Variants in FMO2 observed in about 807,000 individuals in gnomAD.
FMO2 encodes the protein flavin containing dimethylaniline monoxygenase 2.
Under a neutral mutation model 41.6 loss-of-function variants are expected in FMO2, and 33 were observed. The observed-to-expected ratio is 0.79, with a 90% confidence interval of 0.60 to 1.06. The LOEUF is 1.06. Among genes scored for constraint, FMO2 ranks in the 50% least tolerant of loss-of-function variants. FMO2 has a pLI of 0.00. For missense variants in FMO2, 619 were observed against 632.9 expected (o/e 0.98, Z 0.23); for synonymous variants, 214 against 219.6 (o/e 0.97, Z 0.23).
At chr1:171,203,722 G>A (rs1463757265) in intron 5 of FMO2, 143 bp from the exon 6 acceptor site, 2 of 687,844 alleles carry the variant, frequency 2.9e-6, no homozygotes, top group Non-Finnish European at 4.9e-6. Flanking sequence ...TATTTAGGAG[G>A]TACTTTACAT....
At chr1:171,194,353 C>G (rs1168725691) in intron 3 of FMO2, among the ~76,000 whole-genome samples, 1 of 152,174 alleles carries the variant, frequency 6.6e-6, no homozygotes, top group East Asian at 1.9e-4. Context: ...TTACCTTTTC[C>G]TGTGCTTCCT....
At chr1:171,192,131 C>T (rs1278189836) in intron 2 of FMO2, among the ~76,000 whole-genome samples, 1 of 152,082 alleles carries the variant, frequency 6.6e-6, no homozygotes, top group African/African-American at 2.4e-5. Flanking sequence ...AACTCATTGT[C>T]TTGCCAATGA....
At chr1:171,197,517 G>A (rs773914153) in intron 4 of FMO2, among the ~76,000 whole-genome samples, 8 of 152,150 alleles carry the variant, frequency 5.3e-5, no homozygotes, top group African/African-American at 9.7e-5. Context: ...CTCAAATAGA[G>A]TCACCTGGAG....
chr1:171,209,400 T>A lies in FMO2; in HGVS notation c.*255T>A, dbSNP rs1658893380. The A allele has an allele frequency of 6.2e-6, 2 of 323,376 alleles. No homozygotes were observed. Among genetic ancestry groups the A allele is most frequent in the Non-Finnish European group, 1.1e-5 (2 of 180,512 alleles). 20.0% of individuals were successfully genotyped at this position (323,376 alleles called of 1,614,324 possible). On this transcript the variant is annotated 3_prime_UTR_variant, in exon 9 of 9. Transcript: ENST00000209929. ...ACCAAAATGTAAAATAAAATAAGAC[T>A]GGCTCAGGTAAGTAGTGCTGCCAAC...
Position 171,203,916 on chromosome 1 carries a change from G to A in FMO2, c.679G>A (p.Asp227Asn). 6.2e-7 allele frequency: 1 copy of A among 1,613,668 alleles called. No individual in the cohort carries two copies. Among genetic ancestry groups the A allele is most frequent in the Non-Finnish European group, 8.5e-7 (1 of 1,179,716 alleles). ...CTGGGTCATGAGCCGTATCTCTGAA[G>A]ATGGCTATCCTTGGGACTCAGTGTT... ...GTWVMSRISE[D>N]GYPWDSVFHT... The change falls in exon 6 of 9, where the codon GAT (aspartate) becomes AAT (asparagine). Residue 227 changes from aspartate (D) to asparagine (N), a missense_variant. Physicochemically the swap from Asp to Asn is conservative, Grantham distance 23. Coordinates refer to ENST00000209929, the MANE Select transcript of FMO2 (RefSeq NM_001460.5).
Position 171,204,009 on chromosome 1 carries a change from C to A in FMO2, c.772C>A (p.Gln258Lys). 6.2e-7 allele frequency: 1 copy of A among 1,613,710 alleles called. No homozygotes were observed. Among genetic ancestry groups the A allele is most frequent in the Non-Finnish European group, 8.5e-7 (1 of 1,179,724 alleles). Residue 258 changes from glutamine (Q) to lysine (K), a missense_variant, in exon 6 of 9, where the codon CAA becomes AAA. Coordinates refer to ENST00000209929, the MANE Select transcript of FMO2 (RefSeq NM_001460.5). ...PRTAVKWMIE[Q>K]QMNRWFNHEN... ...AACAGCTGTAAAATGGATGATAGAA[C>A]AACAGATGAATCGGTGGTTCAACCA...
At chr1:171,204,864 G>A (rs990541206) in intron 6 of FMO2, among the ~76,000 whole-genome samples, 5 of 152,052 alleles carry the variant, frequency 3.3e-5, no homozygotes, top group Non-Finnish European at 7.4e-5. Context: ...AAAACTAGTG[G>A]AAATTTAGCA....
In FMO2 at chr1:171,211,776, G is replaced by T. The variant is rs376648079; in HGVS notation, c.*2631G>T. ...AGTTTGTTTCAAAATATTAGCCACA[G>T]ACCACCTACATCACAATAACTCAGG... On this transcript the variant is annotated 3_prime_UTR_variant, in exon 9 of 9. Coordinates refer to ENST00000209929, the MANE Select transcript of FMO2 (RefSeq NM_001460.5). 2.0e-5 allele frequency among the ~76,000 whole-genome samples: 3 copies of T among 148,196 alleles called. No homozygotes were observed. The highest frequency in any genetic ancestry group is 3.9e-4 in the East Asian group (2 of 5,180).
At chr1:171,192,221 C>G (rs28369839) in intron 2 of FMO2, among the ~76,000 whole-genome samples, 59,175 of 151,898 alleles carry the variant, frequency 0.39, 12,182 homozygotes, top group East Asian at 0.55. Flanking sequence ...TTTGAAGCCA[C>G]TGTTTGAAAA....
chr1:171,207,323 C>A (rs1013629328), intron 7 of FMO2, among the ~76,000 whole-genome samples: 1 of 152,158 alleles, frequency 6.6e-6, no homozygotes, highest in Non-Finnish European at 1.5e-5. Context: ...GTCCATTTTC[C>A]TAAATTCAGC....
Position 171,211,295 on chromosome 1 carries a change from G to A in FMO2, c.*2150G>A, listed in dbSNP as rs1243928094. 3.3e-5 allele frequency: 5 copies of A among 152,138 alleles called. No homozygotes were observed. Among genetic ancestry groups the A allele is most frequent in the Admixed American group, 3.3e-4 (5 of 15,264 alleles). The allele number at this position is 152,138 out of a possible 1,614,324, so 9.4% of individuals were successfully genotyped here. ...CAAGCTACAATTGTAGAGTTGGGTA[G>A]TCGCAACAGAATCTCTGTGGCCCAC... On this transcript the variant is annotated 3_prime_UTR_variant, in exon 9 of 9. Coordinates refer to ENST00000209929, the MANE Select transcript of FMO2 (RefSeq NM_001460.5).
At chr1:171,204,792 A>G (rs1396104560) in intron 6 of FMO2, among the ~76,000 whole-genome samples, 1 of 152,230 alleles carries the variant, frequency 6.6e-6, no homozygotes, top group African/African-American at 2.4e-5. Context: ...ATTTGGGATT[A>G]ACAAATATCA....
intron 4 of FMO2, 77 bp from the exon 5 acceptor site, chr1:171,199,269 G>A (rs914406153): frequency 7.4e-7 from 1 of 1,346,152 alleles, no homozygotes; most frequent in African/African-American, 1.5e-5. Context: ...AGGAAAAGCT[G>A]GCAATGCAGT....
rs1658971630 is a variant in FMO2 at position 171,211,312 on chromosome 1, G to A, written c.*2167G>A. 6.6e-6 allele frequency: 1 copy of A among 152,158 alleles called. No individual in the cohort carries two copies. Among genetic ancestry groups the A allele is most frequent in the Admixed American group, 6.5e-5 (1 of 15,270 alleles). The allele number at this position is 152,158 out of a possible 1,614,324, so 9.4% of individuals were successfully genotyped here. On this transcript the variant is annotated 3_prime_UTR_variant, in exon 9 of 9. Coordinates refer to ENST00000209929, the MANE Select transcript of FMO2 (RefSeq NM_001460.5). ...GTTGGGTAGTCGCAACAGAATCTCT[G>A]TGGCCCACAAGGCTAAAATATTTAC... is the stretch of plus-strand genomic sequence containing the variant.
At chr1:171,204,272 T>C (rs2075988) in intron 6 of FMO2, among the ~76,000 whole-genome samples, 14,670 of 152,230 alleles carry the variant, frequency 0.096, 914 homozygotes, top group East Asian at 0.25. Flanking sequence ...AGAAGTGTTA[T>C]AAGCTGCTCC....
intron 8 of FMO2, among the ~76,000 whole-genome samples, chr1:171,208,555 A>T (rs990335955): frequency 2.0e-5 from 3 of 152,172 alleles, no homozygotes; most frequent in Non-Finnish European, 2.9e-5. Flanking sequence ...AACAATGGTT[A>T]CCAATCTTGT....
rs773671256 is a variant in FMO2 at position 171,193,529 on chromosome 1, G to A, written c.321+6G>A. On this transcript the variant is annotated splice_donor_region_variant and intron_variant, in intron 3 of 8. Coordinates refer to ENST00000209929, the MANE Select transcript of FMO2 (RefSeq NM_001460.5). ...TAAAATATATTCAGTTCCAGGTATTGTATTTTTGGGGAAATGGGTTTCTCT... is the reference window on the plus strand; with the variant it reads ...TAAAATATATTCAGTTCCAGGTATTATATTTTTGGGGAAATGGGTTTCTCT... 1 of 1,570,830 alleles carries A rather than the reference G, an allele frequency of 6.4e-7. No homozygotes were observed. Among genetic ancestry groups the A allele is most frequent in the Non-Finnish European group, 8.7e-7 (1 of 1,147,014 alleles).
chr1:171,185,589 G>A (rs2101972451), intron 1 of FMO2, 119 bp from the exon 2 acceptor site: 3 of 963,348 alleles, frequency 3.1e-6, no homozygotes, highest in Non-Finnish European at 4.8e-6. Flanking sequence ...TTATTCAATA[G>A]TGCTGCTTAT....
chr1:171,210,786 AAAATT>A lies in FMO2; in HGVS notation c.*1642_*1646del. 6.9e-6 allele frequency: 1 copy of A among 145,648 alleles called. No homozygotes were observed. Among genetic ancestry groups the A allele is most frequent in the Non-Finnish European group, 1.5e-5 (1 of 66,344 alleles). The allele number at this position is 145,648 out of a possible 1,614,324, so 9.0% of individuals were successfully genotyped here. A position where few individuals can be genotyped will look rare whatever the true frequency, so the allele number is the denominator to read the frequency against. ...TCTCTGTAGTTAAAACTTTTTCTTT[AAAATT>A]CAATTAAGGTACTTCTCCCTCAGGG... On this transcript the variant is annotated 3_prime_UTR_variant, in exon 9 of 9. Coordinates refer to ENST00000209929, the MANE Select transcript of FMO2 (RefSeq NM_001460.5).
Sources: allele counts gnomAD v4.1 joint callset (sites outside exome capture counted in the v4.1 genomes callset), GRCh38; gene constraint gnomAD v4.1.1; transcripts MANE v1.5; gene names NCBI Gene and HGNC (gene_info 2026-07-23, HGNC 2026-07-21).